SH3D19: variants seen among roughly 807,000 people sequenced by gnomAD.
SH3D19 encodes SH3 domain-containing protein 19.
A neutral mutation model predicts 112.1 loss-of-function variants in SH3D19; 58 were observed. The observed-to-expected ratio is 0.52, with a 90% confidence interval of 0.42 to 0.64. SH3D19 has a LOEUF of 0.64. Ranked by LOEUF, SH3D19 falls within the 30% of genes least tolerant of loss-of-function variation. The pLI is 0.00. For synonymous variants in SH3D19, 391 were observed against 448.5 expected (o/e 0.87, Z 1.62); for missense variants, 1,090 against 1,263.4 (o/e 0.86, Z 2.08).
chr4:151,214,560 G>T lies in SH3D19; in HGVS notation c.152+11487C>A, dbSNP rs556162486. Among the ~76,000 whole-genome samples the T allele has an allele frequency of 2.9e-5, 4 of 138,778 alleles. No homozygotes were observed. In the East Asian group the frequency reaches 9.3e-4, roughly 32 times the overall value. 91.0% of individuals were successfully genotyped at this position (138,778 alleles called of 152,430 possible). A position where few individuals can be genotyped will look rare whatever the true frequency, so the allele number is the denominator to read the frequency against. On this transcript the variant is annotated intron_variant, in intron 2 of 19. Transcript: ENST00000604030. ...CGGGCAGAGGCGCCCCTCACCTCCCGGACGGGGAGGCTGGCCGGGCAGGGG... is the reference window on the plus strand; with the variant it reads ...CGGGCAGAGGCGCCCCTCACCTCCCTGACGGGGAGGCTGGCCGGGCAGGGG...
At chr4:151,304,189 G>A (rs1277177880) in intron 1 of SH3D19, among the ~76,000 whole-genome samples, 1 of 152,012 alleles carries the variant, frequency 6.6e-6, no homozygotes, top group Non-Finnish European at 1.5e-5. Context: ...AAAAATGGCA[G>A]AGTTAAGACC....
intron 1 of SH3D19, among the ~76,000 whole-genome samples, chr4:151,266,824 C>T (rs1772827167): frequency 6.6e-6 from 1 of 152,146 alleles, no homozygotes; most frequent in African/African-American, 2.4e-5. Context: ...TTTATGACTC[C>T]TCTGTGTTAA....
At chr4:151,186,693 CA>C (rs1252525667) in intron 3 of SH3D19, among the ~76,000 whole-genome samples, 4 of 151,856 alleles carry the variant, frequency 2.6e-5, no homozygotes, top group African/African-American at 9.7e-5. Context: ...CCTCAGCCCC[CA>C]AAAAAGTGCT....
intron 1 of SH3D19, among the ~76,000 whole-genome samples, chr4:151,306,550 G>A (rs1728933276): frequency 6.6e-6 from 1 of 151,920 alleles, no homozygotes; most frequent in Non-Finnish European, 1.5e-5. Flanking sequence ...ACTAAAACAG[G>A]GGAAAAAAGA....
chr4:151,293,956 C>T (rs974588254), intron 1 of SH3D19, among the ~76,000 whole-genome samples: 1 of 152,226 alleles, frequency 6.6e-6, no homozygotes, highest in African/African-American at 2.4e-5. Flanking sequence ...GCCTTCAGAT[C>T]TCAATTTACC....
chr4:151,194,492 TG>T (rs1561319148), intron 2 of SH3D19, among the ~76,000 whole-genome samples: 1 of 150,988 alleles, frequency 6.6e-6, no homozygotes. Context: ...AACTACAGAC[TG>T]ATTTTTCAAA....
chr4:151,214,554 C>A (rs1258166128), intron 2 of SH3D19, among the ~76,000 whole-genome samples: 1 of 142,966 alleles, frequency 7.0e-6, no homozygotes, highest in Non-Finnish European at 1.6e-5. Context: ...GCGCCCCTCA[C>A]CTCCCGGACG....
chr4:151,173,343 G>C (rs1579953961), intron 7 of SH3D19, among the ~76,000 whole-genome samples: 1 of 152,246 alleles, frequency 6.6e-6, no homozygotes, highest in South Asian at 2.1e-4. Context: ...AAAATATTGG[G>C]TAGCAACATT....
At chr4:151,143,056 G>A (rs1395359355) in intron 12 of SH3D19, among the ~76,000 whole-genome samples, 2 of 152,072 alleles carry the variant, frequency 1.3e-5, no homozygotes, top group Non-Finnish European at 2.9e-5. Flanking sequence ...TGGCAACATA[G>A]TGAGACCCTG....
chr4:151,271,814 ACT>A (rs1773245621), intron 1 of SH3D19, among the ~76,000 whole-genome samples: 1 of 152,188 alleles, frequency 6.6e-6, no homozygotes, highest in Non-Finnish European at 1.5e-5. Context: ...CTAAGTATTA[ACT>A]CTATAATATC....
At chr4:151,125,248 G>A (rs944790928) in intron 19 of SH3D19, among the ~76,000 whole-genome samples, 6 of 152,066 alleles carry the variant, frequency 3.9e-5, no homozygotes, top group African/African-American at 7.2e-5. Flanking sequence ...CGGATGGATC[G>A]CCTTGAGCTC....
At chr4:151,238,280 T>A (rs1331084145) in intron 1 of SH3D19, among the ~76,000 whole-genome samples, 1 of 152,168 alleles carries the variant, frequency 6.6e-6, no homozygotes, top group South Asian at 2.1e-4. Context: ...AATTTTTTTA[T>A]CTATTTATGA....
intron 1 of SH3D19, among the ~76,000 whole-genome samples, chr4:151,252,314 A>G (rs1312363184): frequency 6.6e-6 from 1 of 152,108 alleles, no homozygotes; most frequent in African/African-American, 2.4e-5. Flanking sequence ...TTTCTATCTC[A>G]AAGTACTCCC....
intron 3 of SH3D19, 128 bp from the exon 4 acceptor site, chr4:151,179,525 T>A: frequency 2.8e-6 from 1 of 362,592 alleles, no homozygotes; most frequent in Non-Finnish European, 4.6e-6. Flanking sequence ...AATTTTAATA[T>A]CCTTAAAAAA....
At chr4:151,187,772 C>T (rs1011010283) in intron 2 of SH3D19, among the ~76,000 whole-genome samples, 5 of 152,214 alleles carry the variant, frequency 3.3e-5, no homozygotes, top group South Asian at 2.1e-4. Flanking sequence ...CATTACATGG[C>T]GCTCAAAAGA....
chr4:151,285,857 A>G (rs1163111979), intron 1 of SH3D19, among the ~76,000 whole-genome samples: 1 of 151,796 alleles, frequency 6.6e-6, no homozygotes, highest in Admixed American at 6.6e-5. Flanking sequence ...ACAGAGCAAG[A>G]CTCTGTGGCT....
intron 1 of SH3D19, among the ~76,000 whole-genome samples, chr4:151,252,689 C>A (rs1042660933): frequency 6.6e-6 from 1 of 152,200 alleles, no homozygotes; most frequent in Non-Finnish European, 1.5e-5. Flanking sequence ...TATTCAACTG[C>A]CTACTGGACA....
intron 1 of SH3D19, among the ~76,000 whole-genome samples, chr4:151,278,781 C>T (rs1017246522): frequency 1.3e-5 from 2 of 152,190 alleles, no homozygotes; most frequent in East Asian, 1.9e-4. Flanking sequence ...CAGGCATGCA[C>T]CATCATGTCA....
chr4:151,223,717 A>G (rs2407406), intron 2 of SH3D19, among the ~76,000 whole-genome samples: 123,437 of 152,082 alleles, frequency 0.81, 52,358 homozygotes, highest in Non-Finnish European at 0.95. Context: ...CAGTCTTCCT[A>G]TGGTTTAGCT....
Sources: allele counts gnomAD v4.1 joint callset (sites outside exome capture counted in the v4.1 genomes callset), GRCh38; gene constraint gnomAD v4.1.1; transcripts MANE v1.5; gene names NCBI Gene and HGNC (gene_info 2026-07-23, HGNC 2026-07-21).